PLXNA2: variants seen among roughly 807,000 people sequenced by gnomAD.
The protein encoded by PLXNA2 is plexin A2.
A neutral mutation model predicts 193.5 loss-of-function variants in PLXNA2; 91 were observed. The ratio of observed to expected loss-of-function variants is 0.47; its 90% confidence interval spans 0.40 to 0.56. PLXNA2 has a LOEUF of 0.56. Ranked by LOEUF, PLXNA2 falls within the 20% of genes least tolerant of loss-of-function variation. The pLI is 0.00. For missense variants in PLXNA2, 1,995 were observed against 2,503.2 expected, an observed-to-expected ratio of 0.80 and a Z score of 4.33; for synonymous variants, 997 against 1,027.3, an observed-to-expected ratio of 0.97 and a Z score of 0.56.
At chr1:208,136,137 C>T (rs969303305) in intron 4 of PLXNA2, among the ~76,000 whole-genome samples, 2 of 152,318 alleles carry the variant, frequency 1.3e-5, no homozygotes, top group Non-Finnish European at 2.9e-5. Context: ...ATGATTCTAG[C>T]CCCTTGTCCT....
chr1:208,149,444 T>C (rs575811745), intron 3 of PLXNA2, among the ~76,000 whole-genome samples: 1 of 152,048 alleles, frequency 6.6e-6, no homozygotes, highest in South Asian at 2.1e-4. Flanking sequence ...TGTATGAGTA[T>C]GGTATGTGTT....
At chr1:208,240,719 A>G (rs1327542147) in intron 1 of PLXNA2, among the ~76,000 whole-genome samples, 2 of 132,734 alleles carry the variant, frequency 1.5e-5, no homozygotes, top group Non-Finnish European at 3.1e-5. Context: ...TTTCTAGTTA[A>G]CAGACTGTAA....
chr1:208,031,858 TTGTC>T (rs1664515083), intron 28 of PLXNA2, 99 bp from the exon 29 acceptor site: 1 of 1,303,754 alleles, frequency 7.7e-7, no homozygotes, highest in South Asian at 1.5e-5. Context: ...CCTTGGAAAT[TTGTC>T]TGGGACACGA....
chr1:208,060,866 TG>T lies in PLXNA2; in HGVS notation c.2587-30del, dbSNP rs1665597632. ...CAGGAGGGAAATGGGATTAGCAATT[TG>T]GTTTGGTCACAGGAACAGAAACAGC... On this transcript the variant is annotated intron_variant, in intron 12 of 31. Transcript: ENST00000367033. The T allele has an allele frequency of 2.5e-6, 4 of 1,610,660 alleles. No individual in the cohort carries two copies. In the African/African-American group the frequency reaches 4.0e-5, roughly 16 times the overall value.
intron 3 of PLXNA2, among the ~76,000 whole-genome samples, chr1:208,172,957 G>C (rs1208343346): frequency 6.6e-6 from 1 of 152,204 alleles, no homozygotes; most frequent in Non-Finnish European, 1.5e-5. Context: ...TTAACAGCGA[G>C]GTGACTGTGA....
chr1:208,180,891 C>T (rs1008018736), intron 3 of PLXNA2, among the ~76,000 whole-genome samples: 5 of 152,226 alleles, frequency 3.3e-5, no homozygotes, highest in Non-Finnish European at 5.9e-5. Flanking sequence ...GGAGTAACCG[C>T]TATTGGCCCT....
chr1:208,042,446 G>T, intron 21 of PLXNA2, 80 bp from the exon 22 acceptor site: 1 of 1,482,790 alleles, frequency 6.7e-7, no homozygotes, highest in Non-Finnish European at 9.2e-7. Flanking sequence ...CTGAGGGCCT[G>T]CTGGCGATGA....
chr1:208,045,959 G>C lies in PLXNA2; in HGVS notation c.3414C>G (p.Ile1138Met). ...SLLIYNDTKF[I>M]YYPNPTFELL... ...GTTCAAAGGTCGGGTTGGGGTAGTA[G>C]ATAAACTTGGTGTCGTTGTAAATTA... The change falls in exon 18 of 32, where the codon ATC becomes ATG. Residue 1138 changes from isoleucine to methionine, a missense_variant. Coordinates refer to ENST00000367033, the MANE Select transcript of PLXNA2 (RefSeq NM_025179.4). 7 of 1,614,254 alleles carry C rather than the reference G, an allele frequency of 4.3e-6. No individual in the cohort carries two copies. Among genetic ancestry groups the C allele is most frequent in the Non-Finnish European group, 5.9e-6 (7 of 1,180,042 alleles).
intron 3 of PLXNA2, among the ~76,000 whole-genome samples, chr1:208,151,553 G>A (rs907242856): frequency 5.3e-5 from 8 of 152,294 alleles, no homozygotes; most frequent in African/African-American, 1.9e-4. Context: ...GGCAGGACAA[G>A]GAAACTAGCA....
chr1:208,104,388 C>T (rs1667194788), intron 4 of PLXNA2, among the ~76,000 whole-genome samples: 2 of 152,196 alleles, frequency 1.3e-5, no homozygotes, highest in African/African-American at 2.4e-5. Flanking sequence ...GCGAACAGCA[C>T]ACAGATTCTG....
chr1:208,178,240 T>C (rs1458840374), intron 3 of PLXNA2, among the ~76,000 whole-genome samples: 1 of 152,168 alleles, frequency 6.6e-6, no homozygotes, highest in Non-Finnish European at 1.5e-5. Flanking sequence ...CAAAGAGTTA[T>C]GAGAAGCCTT....
Position 208,082,463 on chromosome 1 carries a change from C to A in PLXNA2, c.2344G>T (p.Ala782Ser). ...ATGAAATTGCCGTTCCACACCACAG[C>A]GAAATCCACGGCCAGATTGCTGATG... The part of the protein sequence containing the change: ...MDISNLAVDF[A>S]VVWNGNFIID... The change falls in exon 11 of 32, where the codon GCT (alanine) becomes TCT (serine). Residue 782 changes from alanine to serine, a missense_variant. By Grantham distance (99) the Ala-to-Ser change is moderately conservative (BLOSUM62 1). This residue lies in a region of PLXNA2 where 1,291 missense variants were observed against 1,673.6 expected (regional missense o/e 0.77). Coordinates refer to ENST00000367033, the MANE Select transcript of PLXNA2 (RefSeq NM_025179.4). This position sits in a 1 kb window ranked among gnomAD's most constrained non-coding sequence, Gnocchi z 4.2. 1 of 1,614,070 alleles carries A rather than the reference C, an allele frequency of 6.2e-7. No homozygotes were observed. Among genetic ancestry groups the A allele is most frequent in the Non-Finnish European group, 8.5e-7 (1 of 1,179,988 alleles).
At chr1:208,129,272 G>A (rs1311463862) in intron 4 of PLXNA2, among the ~76,000 whole-genome samples, 2 of 152,144 alleles carry the variant, frequency 1.3e-5, no homozygotes, top group Non-Finnish European at 2.9e-5. Flanking sequence ...CTCTGCCAGA[G>A]CTAGCATCTT....
Position 208,214,563 on chromosome 1 carries a change from C to T in PLXNA2, c.1188+2172G>A, listed in dbSNP as rs183124771. Among the ~76,000 whole-genome samples the T allele has an allele frequency of 2.4e-4, 36 of 152,284 alleles. No homozygotes were observed. The East Asian group carries it at 5.2e-3, about 22-fold the overall frequency. On this transcript the variant is annotated intron_variant, in intron 2 of 31. Transcript: ENST00000367033. ...TTCAAGTACTGGTGCTTGGTCCCAA[C>T]GGCAGGCACCTTCAATTTAGAGTAC...
At chr1:208,143,046 T>C (rs1216263217) in intron 3 of PLXNA2, among the ~76,000 whole-genome samples, 2 of 152,186 alleles carry the variant, frequency 1.3e-5, no homozygotes, top group African/African-American at 4.8e-5. Context: ...TGGCTTAGCC[T>C]CTCCAAGCCC....
rs774781311 is a variant in PLXNA2 at position 208,217,953 on chromosome 1, C to T, written c.-31G>A. 3.1e-6 allele frequency: 5 copies of T among 1,598,624 alleles called. No individual in the cohort carries two copies. In the Admixed American group the frequency reaches 5.1e-5, roughly 16 times the overall value. On this transcript the variant is annotated 5_prime_UTR_variant, in exon 2 of 32. Transcript: ENST00000367033. The surrounding 1 kb of genome is among the most constrained non-coding windows in gnomAD (Gnocchi z 4.7). ...GAGGGGCGGCGGTGAGGAGACGGCT[C>T]CTGTGTGTGCTCATCTGCTCCACCT...
At position 208,147,306 on chromosome 1, in the gene PLXNA2, A is replaced by C. The variant is rs1033497547; in HGVS notation, c.1372-4843T>G. Among the ~76,000 whole-genome samples, 3 of 152,324 alleles carry C rather than the reference A, an allele frequency of 2.0e-5. No individual in the cohort carries two copies. In the East Asian group the frequency reaches 5.8e-4, roughly 29 times the overall value. The stretch of plus-strand genomic sequence containing the variant: ...ACGAAGTGCTAGGATTACAGGTGTG[A>C]GCTACTATGCCCAGCCTAAACTCTG... On this transcript the variant is annotated intron_variant, in intron 3 of 31. Coordinates refer to ENST00000367033, the MANE Select transcript of PLXNA2 (RefSeq NM_025179.4).
At chr1:208,174,326 C>T (rs191776495) in intron 3 of PLXNA2, among the ~76,000 whole-genome samples, 3 of 151,686 alleles carry the variant, frequency 2.0e-5, no homozygotes, top group South Asian at 4.2e-4. Flanking sequence ...CTTTGGAAAG[C>T]CTGCCTGCTT....
rs753473426 is a variant in PLXNA2 at position 208,038,859 on chromosome 1, A to G, written c.4626T>C (p.Tyr1542=). The G allele has an allele frequency of 7.4e-6, 12 of 1,614,116 alleles. No homozygotes were observed. In the South Asian group the frequency reaches 1.2e-4, roughly 16 times the overall value. The change falls in exon 25 of 32, where the codon TAT becomes TAC. Residue 1542 remains tyrosine (Y), a synonymous_variant. Transcript: ENST00000367033. The surrounding 1 kb of genome is among the most constrained non-coding windows in gnomAD (Gnocchi z 4.1). ...ILDAVYKNVP[Y]SQRPRAVDMD... ...TGTCCACTGCCCTCGGCCGCTGGGA[A>G]TAGGGCACATTCTTATACACGGCAT...
Sources: gnomAD v4.1 joint callset for allele counts (sites outside exome capture counted in the v4.1 genomes callset) on GRCh38, gnomAD v4.1.1 for gene constraint, gnomAD v4.1.1 regional missense constraint, Gnocchi (gnomAD v3.1) non-coding constraint, MANE v1.5 for transcripts, NCBI Gene and HGNC (gene_info 2026-07-23, HGNC 2026-07-21) for gene names.